The following KYNU variants were observed in gnomAD, a reference collection of about 807,000 sequenced individuals.
KYNU encodes kynureninase.
Under a neutral mutation model 59.2 loss-of-function variants are expected in KYNU, and 54 were observed. The ratio of observed to expected loss-of-function variants is 0.91; its 90% CI spans 0.73 to 1.14. The LOEUF (loss-of-function observed/expected upper bound fraction) is 1.14, where lower values mean the gene tolerates loss of function less well. Among genes scored for constraint, KYNU ranks in the 50% most tolerant of loss-of-function variants. The pLI, the probability that KYNU is intolerant of heterozygous loss-of-function variation, is 0.00. For missense variants in KYNU, 567 were observed against 554.4 expected, an observed-to-expected ratio of 1.02 and a Z score of -0.23; for synonymous variants, 177 against 192.0, an observed-to-expected ratio of 0.92 and a Z score of 0.65.
chr2:142,941,501 C>T (rs1236252562), intron 4 of KYNU, among the ~76,000 whole-genome samples: 1 of 152,164 alleles, frequency 6.6e-6, no homozygotes, highest in Admixed American at 6.5e-5. Context: ...GTTTTGTAGA[C>T]CTGAAACTTC....
At chr2:142,979,420 G>A (rs1684986648) in intron 8 of KYNU, among the ~76,000 whole-genome samples, 1 of 152,072 alleles carries the variant, frequency 6.6e-6, no homozygotes, top group Admixed American at 6.6e-5. Context: ...AAGACAGTAA[G>A]ATTAGAAAAT....
intron 2 of KYNU, among the ~76,000 whole-genome samples, chr2:142,909,249 A>G (rs1443941231): frequency 1.3e-5 from 2 of 152,198 alleles, no homozygotes; most frequent in East Asian, 3.8e-4. Context: ...CATAATTACA[A>G]TTCAGATTAA....
chr2:142,896,924 T>C (rs1681898055), intron 2 of KYNU, among the ~76,000 whole-genome samples: 1 of 152,240 alleles, frequency 6.6e-6, no homozygotes, highest in South Asian at 2.1e-4. Context: ...ACTTTGAGGA[T>C]GCACAGTATA....
intron 7 of KYNU, among the ~76,000 whole-genome samples, chr2:142,959,887 A>G (rs1326897510): frequency 6.6e-6 from 1 of 152,128 alleles, no homozygotes; most frequent in Non-Finnish European, 1.5e-5. Context: ...AAACTCAGAT[A>G]AAAGATGTGT....
chr2:143,013,333 T>C (rs1686167584), intron 10 of KYNU, among the ~76,000 whole-genome samples: 1 of 151,822 alleles, frequency 6.6e-6, no homozygotes, highest in Non-Finnish European at 1.5e-5. Flanking sequence ...TCATATTTTC[T>C]TTTCCACTCA....
In KYNU at chr2:142,885,294, C is replaced by T. The variant is rs968842384; in HGVS notation, c.-19-55C>T. 15 of 1,445,960 alleles carry T rather than the reference C, an allele frequency of 1.0e-5. 1 individual carries two copies. In the Admixed American group the frequency reaches 2.7e-4, roughly 26 times the overall value. The allele number at this position is 1,445,960 out of a possible 1,614,324, so 89.6% of individuals were successfully genotyped here. ...CAAAAGGTGTATTACCTAAAGGGCT[C>T]ATTTTCTACAGGAAAATTATGGTGG... On this transcript the variant is annotated intron_variant, in intron 1 of 13. Coordinates refer to ENST00000264170, the MANE Select transcript of KYNU (RefSeq NM_003937.3).
chr2:142,907,659 C>T (rs1257142426), intron 2 of KYNU, among the ~76,000 whole-genome samples: 1 of 151,826 alleles, frequency 6.6e-6, no homozygotes, highest in Admixed American at 6.6e-5. Flanking sequence ...TGCTCAAATG[C>T]CTGGGTTTAT....
intron 2 of KYNU, among the ~76,000 whole-genome samples, chr2:142,910,602 G>A (rs1201888474): frequency 6.6e-6 from 1 of 151,968 alleles, no homozygotes; most frequent in Non-Finnish European, 1.5e-5. Context: ...TCAGTTTGGG[G>A]GGTTTTTGCA....
chr2:142,921,117 T>C (rs1289161768), intron 3 of KYNU, among the ~76,000 whole-genome samples: 1 of 151,956 alleles, frequency 6.6e-6, no homozygotes, highest in African/African-American at 2.4e-5. Context: ...CTACAAGGGG[T>C]AGTTTGATGA....
intron 8 of KYNU, among the ~76,000 whole-genome samples, chr2:142,960,987 GT>G (rs758109580): frequency 1.4e-4 from 22 of 152,052 alleles, no homozygotes; most frequent in Admixed American, 2.6e-4. Context: ...GAGGTCAGGA[GT>G]TTGAGACCAG....
intron 8 of KYNU, among the ~76,000 whole-genome samples, chr2:142,970,695 A>G (rs972723166): frequency 2.6e-5 from 4 of 152,186 alleles, no homozygotes; most frequent in African/African-American, 9.7e-5. Flanking sequence ...AATTTCCTGC[A>G]TCGTGTTTCT....
chr2:142,918,767 T>A, intron 3 of KYNU, 38 bp downstream of exon 3: 6 of 1,581,612 alleles, frequency 3.8e-6, no homozygotes, highest in Non-Finnish European at 5.2e-6. Context: ...CTACATCTCA[T>A]ACAAAAATTT....
chr2:142,987,449 G>A (rs1051595375), intron 10 of KYNU, among the ~76,000 whole-genome samples: 1 of 151,944 alleles, frequency 6.6e-6, no homozygotes, highest in East Asian at 1.9e-4. Flanking sequence ...CAAGGACAAA[G>A]GGATTGTATT....
At chr2:142,955,774 A>G (rs997014913) in intron 5 of KYNU, among the ~76,000 whole-genome samples, 2 of 152,110 alleles carry the variant, frequency 1.3e-5, no homozygotes, top group South Asian at 2.1e-4. Flanking sequence ...GCTTCACTGA[A>G]CAAATGAGCT....
intron 10 of KYNU, among the ~76,000 whole-genome samples, chr2:143,014,502 A>G: frequency 6.6e-6 from 1 of 152,240 alleles, no homozygotes; most frequent in Non-Finnish European, 1.5e-5. Flanking sequence ...GAGATCAAAC[A>G]TGTCTACTGC....
At chr2:142,889,841 T>C (rs145810555) in intron 2 of KYNU, among the ~76,000 whole-genome samples, 2 of 152,056 alleles carry the variant, frequency 1.3e-5, no homozygotes, top group East Asian at 3.9e-4. Context: ...ATAAACAAGT[T>C]TTGAACAAAT....
rs185357181 is a variant in KYNU at position 142,983,113 on chromosome 2, G to A, written c.730-1971G>A. 3.8e-4 allele frequency among the ~76,000 whole-genome samples: 57 copies of A among 148,872 alleles called. No homozygotes were observed. The East Asian group carries it at 0.01, about 27-fold the overall frequency. On this transcript the variant is annotated intron_variant, in intron 8 of 13. Transcript: ENST00000264170. ...CATCAAGGTAGGACTTGGCTGGAGG[G>A]GTTCTGCAAGTCTCAGCTGAGCTCA...
rs1304113701 is a variant in KYNU at position 143,042,282 on chromosome 2, C to A, written c.*110C>A. Reference sequence around the variant, plus strand: ...GTATGTCACCATTGACCACATGTAACTAACAATAAATAATATACCTTACAG... The same window carrying A: ...GTATGTCACCATTGACCACATGTAAATAACAATAAATAATATACCTTACAG... On this transcript the variant is annotated 3_prime_UTR_variant, in exon 14 of 14. Transcript: ENST00000264170. The A allele has an allele frequency of 1.9e-6, 2 of 1,078,890 alleles. No individual in the cohort carries two copies. The highest frequency in any genetic ancestry group is 2.8e-6 in the Non-Finnish European group (2 of 725,116). 66.8% of individuals were successfully genotyped at this position (1,078,890 alleles called of 1,614,324 possible).
intron 2 of KYNU, among the ~76,000 whole-genome samples, chr2:142,901,478 C>T (rs573752462): frequency 6.6e-6 from 1 of 152,036 alleles, no homozygotes; most frequent in South Asian, 2.1e-4. Flanking sequence ...TGGCAGTTTC[C>T]TTCTATTTTT....
Sources: gnomAD v4.1 joint callset for allele counts (sites outside exome capture counted in the v4.1 genomes callset) on GRCh38, gnomAD v4.1.1 for gene constraint, MANE v1.5 for transcripts, NCBI Gene and HGNC (gene_info 2026-07-23, HGNC 2026-07-21) for gene names.